The following ABHD6 variants were observed in gnomAD, a reference collection of about 807,000 sequenced individuals.
ABHD6 encodes abhydrolase domain containing 6, acylglycerol lipase.
Under a neutral mutation model 38.8 loss-of-function variants are expected in ABHD6, and 33 were observed. The observed-to-expected ratio is 0.85, with a 90% confidence interval of 0.64 to 1.14. The LOEUF is 1.14. ABHD6 is among the 50% of genes most tolerant of loss of function. ABHD6 has a pLI of 0.00. For missense variants in ABHD6, 380 were observed against 422.6 expected (o/e 0.90, Z 0.88); for synonymous variants, 147 against 161.6 (o/e 0.91, Z 0.69).
At position 58,280,352 on chromosome 3, in the gene ABHD6, C is replaced by T. The variant is rs116455342; in HGVS notation, c.682-4733C>T. Reference sequence around the variant, plus strand: ...ATTTTATTAATTTTATCTTCAATCACGGATACCCTTTCTTTCACTTCATCA... The same window carrying T: ...ATTTTATTAATTTTATCTTCAATCATGGATACCCTTTCTTTCACTTCATCA... On this transcript the variant is annotated intron_variant, in intron 7 of 9. Coordinates refer to ENST00000478253, the MANE Select transcript of ABHD6 (RefSeq NM_001320126.2). Among the ~76,000 whole-genome samples the T allele has an allele frequency of 3.7e-3, 560 of 152,196 alleles. 5 individuals are homozygous for T. Among genetic ancestry groups the T allele is most frequent in the African/African-American group, 0.012 (517 of 41,526 alleles).
rs188888286 is a variant in ABHD6, at chr3:58,266,270, G to A, written c.120-919G>A. On this transcript the variant is annotated intron_variant, in intron 3 of 9. Transcript: ENST00000478253. This position sits in a 1 kb window ranked among gnomAD's most constrained non-coding sequence, Gnocchi z 4.0. ...TTGAGACTGGCCTGGCCAACATGGC[G>A]AAACCCTGTCTCTACTAAAAATACA... is the stretch of plus-strand genomic sequence containing the variant. Among the ~76,000 whole-genome samples the A allele has an allele frequency of 0.013, 2,002 of 152,196 alleles. 19 individuals are homozygous for A. The highest frequency in any genetic ancestry group is 0.02 in the Non-Finnish European group (1,349 of 68,020).
At chr3:58,239,956 C>T (rs1233432949) in intron 1 of ABHD6, among the ~76,000 whole-genome samples, 1 of 149,932 alleles carries the variant, frequency 6.7e-6, no homozygotes, top group African/African-American at 2.5e-5. Flanking sequence ...TCAAGACTAG[C>T]CTGGGCAACA....
rs2097420646 is a variant in ABHD6 at position 58,238,522 on chromosome 3, T to C, written c.-91+606T>C. Reference sequence around the variant, plus strand: ...GTCCAGCCAGGTACCCGCCGGCAACTTGCGGTCCCCCGCCTACAGCGACAC... The same window carrying C: ...GTCCAGCCAGGTACCCGCCGGCAACCTGCGGTCCCCCGCCTACAGCGACAC... On this transcript the variant is annotated intron_variant, in intron 1 of 9. Transcript: ENST00000478253. This position sits in a 1 kb window ranked among gnomAD's most constrained non-coding sequence, Gnocchi z 6.9. 1 of 152,448 alleles carries C rather than the reference T, an allele frequency of 6.6e-6. No individual in the cohort carries two copies. Among genetic ancestry groups the C allele is most frequent in the Non-Finnish European group, 1.5e-5 (1 of 68,220 alleles). 9.4% of individuals were successfully genotyped at this position (152,448 alleles called of 1,614,324 possible).
chr3:58,281,809 T>C (rs890243075), intron 7 of ABHD6, among the ~76,000 whole-genome samples: 1 of 152,198 alleles, frequency 6.6e-6, no homozygotes, highest in East Asian at 1.9e-4. Flanking sequence ...TTATTAATGT[T>C]TACCATATTA....
In ABHD6 at chr3:58,267,422, T is replaced by G; in HGVS notation, c.276+77T>G. 6.4e-7 allele frequency: 1 copy of G among 1,565,654 alleles called. No homozygotes were observed. Among genetic ancestry groups the G allele is most frequent in the South Asian group, 1.1e-5 (1 of 87,932 alleles). On this transcript the variant is annotated intron_variant, in intron 4 of 9. Coordinates refer to ENST00000478253, the MANE Select transcript of ABHD6 (RefSeq NM_001320126.2). The surrounding 1 kb of genome is among the most constrained non-coding windows in gnomAD (Gnocchi z 4.3). ...GCTCATGCCTATAATCCCAGCACTTTGGGAGCCTGAGGCAGGAGGATTGCT... is the reference window on the plus strand; with the variant it reads ...GCTCATGCCTATAATCCCAGCACTTGGGGAGCCTGAGGCAGGAGGATTGCT...
rs1206931215 is a variant in ABHD6, at chr3:58,256,230, C to T, written c.-25-332C>T. On this transcript the variant is annotated intron_variant, in intron 2 of 9. Transcript: ENST00000478253. The surrounding 1 kb of genome is among the most constrained non-coding windows in gnomAD (Gnocchi z 4.3). The stretch of plus-strand genomic sequence containing the variant: ...GGGAAGATATTCTCCTACATACATA[C>T]ATAATCACAATTTCATCATCATACT... Among the ~76,000 whole-genome samples the T allele has an allele frequency of 6.6e-6, 1 of 152,148 alleles. No homozygotes were observed. Among genetic ancestry groups the T allele is most frequent in the Non-Finnish European group, 1.5e-5 (1 of 68,040 alleles).
At chr3:58,241,119 A>G (rs1312797074) in intron 1 of ABHD6, among the ~76,000 whole-genome samples, 1 of 152,184 alleles carries the variant, frequency 6.6e-6, no homozygotes, top group African/African-American at 2.4e-5. Context: ...GGATGCTGCT[A>G]AACGTCCTAC....
At chr3:58,240,863 T>G (rs2107408924) in intron 1 of ABHD6, among the ~76,000 whole-genome samples, 1 of 151,784 alleles carries the variant, frequency 6.6e-6, no homozygotes, top group African/African-American at 2.4e-5. Context: ...CCAGAGTAGC[T>G]GGGATTACAG....
chr3:58,273,794 T>G lies in ABHD6; in HGVS notation c.524-864T>G, dbSNP rs921732480. On this transcript the variant is annotated intron_variant, in intron 6 of 9. Coordinates refer to ENST00000478253, the MANE Select transcript of ABHD6 (RefSeq NM_001320126.2). This position sits in a 1 kb window ranked among gnomAD's most constrained non-coding sequence, Gnocchi z 4.8. ...ATGCATGAGGGACTTAAAACCTAGA[T>G]GACGGGTTGATAGGTGCAGCAAACC... 7.2e-5 allele frequency among the ~76,000 whole-genome samples: 11 copies of G among 152,194 alleles called. No individual in the cohort carries two copies. The East Asian group carries it at 2.1e-3, about 29-fold the overall frequency.
intron 9 of ABHD6, among the ~76,000 whole-genome samples, chr3:58,291,163 G>A (rs1156543055): frequency 1.3e-5 from 2 of 149,400 alleles, no homozygotes; most frequent in South Asian, 2.2e-4. Context: ...GATCACTCGC[G>A]GTTAGGAGCT....
intron 3 of ABHD6, among the ~76,000 whole-genome samples, chr3:58,262,290 G>A (rs373628683): frequency 1.3e-5 from 2 of 152,266 alleles, no homozygotes; most frequent in South Asian, 4.1e-4. Flanking sequence ...GTCATTGATC[G>A]TACACTTGTT....
chr3:58,291,348 G>T (rs931822882), intron 9 of ABHD6, among the ~76,000 whole-genome samples: 1 of 152,000 alleles, frequency 6.6e-6, no homozygotes, highest in African/African-American at 2.4e-5. Context: ...GCTTCGGCTC[G>T]GCATCAGAGG....
At position 58,269,945 on chromosome 3, in the gene ABHD6, TTAAA is replaced by T. The variant is rs146353804; in HGVS notation, c.390+514_390+517del. ...GTAGCCTGTAAGTTTCAGGTTGACCTTAAATATTTTCCCCCAAATGAGGATATTT... is the reference window on the plus strand; with the variant it reads ...GTAGCCTGTAAGTTTCAGGTTGACCTTATTTTCCCCCAAATGAGGATATTT... On this transcript the variant is annotated intron_variant, in intron 5 of 9. Transcript: ENST00000478253. This position sits in a 1 kb window ranked among gnomAD's most constrained non-coding sequence, Gnocchi z 4.4. 8.0e-3 allele frequency among the ~76,000 whole-genome samples: 1,222 copies of T among 152,372 alleles called. 20 individuals carry two copies. Among genetic ancestry groups the T allele is most frequent in the African/African-American group, 0.028 (1,165 of 41,592 alleles).
intron 4 of ABHD6, among the ~76,000 whole-genome samples, chr3:58,268,456 G>A (rs1161407258): frequency 6.6e-6 from 1 of 152,124 alleles, no homozygotes; most frequent in African/African-American, 2.4e-5. Context: ...TGGTTTACTT[G>A]GGTGTGGCAA....
In ABHD6 at chr3:58,259,889, G is replaced by A. The variant is rs1276945138; in HGVS notation, c.119+3184G>A. ...TCTGGCAACCACTCATCTACTTCCT[G>A]TCTTTTTAGATGTGCCCATTACGGA... On this transcript the variant is annotated intron_variant, in intron 3 of 9. Coordinates refer to ENST00000478253, the MANE Select transcript of ABHD6 (RefSeq NM_001320126.2). This position sits in a 1 kb window ranked among gnomAD's most constrained non-coding sequence, Gnocchi z 4.7. Among the ~76,000 whole-genome samples, 1 of 152,034 alleles carries A rather than the reference G, an allele frequency of 6.6e-6. No homozygotes were observed. The highest frequency in any genetic ancestry group is 1.5e-5 in the Non-Finnish European group (1 of 68,020).
chr3:58,269,188 C>T lies in ABHD6; in HGVS notation c.277-133C>T. The T allele has an allele frequency of 1.6e-6, 1 of 627,788 alleles. No homozygotes were observed. The highest frequency in any genetic ancestry group is 2.9e-6 in the Non-Finnish European group (1 of 340,812). 38.9% of individuals were successfully genotyped at this position (627,788 alleles called of 1,614,324 possible). A position where few individuals can be genotyped will look rare whatever the true frequency, so the allele number is the denominator to read the frequency against. ...TGCTTATTCAATTACTGGGGTAAAA[C>T]ACTGAGTGGCCAAGACCCATACATC... On this transcript the variant is annotated intron_variant, in intron 4 of 9. Coordinates refer to ENST00000478253, the MANE Select transcript of ABHD6 (RefSeq NM_001320126.2). The surrounding 1 kb of genome is among the most constrained non-coding windows in gnomAD (Gnocchi z 4.4).
Position 58,285,153 on chromosome 3 carries a change from C to A in ABHD6, c.736+14C>A, listed in dbSNP as rs780882078. The A allele has an allele frequency of 6.2e-7, 1 of 1,613,410 alleles. No homozygotes were observed. The highest frequency in any genetic ancestry group is 8.5e-7 in the Non-Finnish European group (1 of 1,179,318). On this transcript the variant is annotated intron_variant, in intron 8 of 9. Coordinates refer to ENST00000478253, the MANE Select transcript of ABHD6 (RefSeq NM_001320126.2). The surrounding 1 kb of genome is among the most constrained non-coding windows in gnomAD (Gnocchi z 4.9). ...TCTACCGAAAGTGTAAGTAGCCCTA[C>A]TTTCAGCTTGGAGCTTGTTACAAGT...
intron 7 of ABHD6, among the ~76,000 whole-genome samples, chr3:58,279,607 T>C (rs901129270): frequency 1.3e-5 from 2 of 152,232 alleles, no homozygotes; most frequent in Non-Finnish European, 2.9e-5. Context: ...GTTAATATTG[T>C]TATGTGTGAA....
chr3:58,243,356 G>A (rs2097424152), intron 1 of ABHD6, among the ~76,000 whole-genome samples: 2 of 152,244 alleles, frequency 1.3e-5, no homozygotes, highest in East Asian at 1.9e-4. Context: ...TTCTTATCAC[G>A]AGATACAAAT....
Sources: gnomAD v4.1 joint callset for allele counts (sites outside exome capture counted in the v4.1 genomes callset) on GRCh38, gnomAD v4.1.1 for gene constraint, Gnocchi (gnomAD v3.1) non-coding constraint, MANE v1.5 for transcripts, NCBI Gene and HGNC (gene_info 2026-07-23, HGNC 2026-07-21) for gene names.